Variants in SLC35F2 observed in about 807,000 individuals in gnomAD.
The protein encoded by SLC35F2 is solute carrier family 35 member F2, also known as queuine/queuosine transporter SLC35F2.
In SLC35F2, 25 loss-of-function variants were observed where a neutral mutation model predicts 38.1. That is an observed-to-expected ratio of 0.66 (90% CI 0.48 to 0.92). The LOEUF (loss-of-function observed/expected upper bound fraction) is 0.92, where lower values mean the gene tolerates loss of function less well. SLC35F2 is among the 40% of genes least tolerant of loss of function. The probability of loss-of-function intolerance (pLI) is 0.00; values close to 1 mark genes in which losing one functional copy is unlikely to be tolerated. For synonymous variants in SLC35F2, 173 were observed against 181.7 expected (o/e 0.95, Z 0.38); for missense variants, 409 against 452.9 (o/e 0.90, Z 0.88).
intron 1 of SLC35F2, among the ~76,000 whole-genome samples, chr11:107,852,339 G>A (rs1860200129): frequency 6.6e-6 from 1 of 151,888 alleles, no homozygotes; most frequent in Admixed American, 6.6e-5. Context: ...ATCACGAGGT[G>A]AGGAGTTTGA....
At chr11:107,849,810 A>C (rs1181029411) in intron 1 of SLC35F2, among the ~76,000 whole-genome samples, 2 of 152,178 alleles carry the variant, frequency 1.3e-5, no homozygotes, top group African/African-American at 2.4e-5. Flanking sequence ...GAACTGGTCT[A>C]GGGGAAGAAG....
At chr11:107,816,286 G>C (rs1442326440) in intron 1 of SLC35F2, 23 of 974,618 alleles carry the variant, frequency 2.4e-5, no homozygotes, top group Non-Finnish European at 2.8e-5. Flanking sequence ...GTGTGTGTAT[G>C]ACTTTTTTTT....
chr11:107,792,704 T>A lies in SLC35F2; in HGVS notation c.1036A>T (p.Ser346Cys). The change falls in exon 8 of 8, where the codon AGC (serine) becomes TGC (cysteine). Residue 346 changes from serine to cysteine, a missense_variant. Physicochemically the swap from Ser to Cys is moderately radical, Grantham distance 112. Transcript: ENST00000525815. ...CCAATGCTGGTGACTGGAGGCACGC[T>A]GCTTTCAGCCGGCTCGGCCGTGCGA... Reference protein sequence around the residue: ...PTRTAEPAESSVPPVTSIGID... With the variant: ...PTRTAEPAESCVPPVTSIGID... 6.2e-7 allele frequency: 1 copy of A among 1,614,034 alleles called. No homozygotes were observed. Among genetic ancestry groups the A allele is most frequent in the Non-Finnish European group, 8.5e-7 (1 of 1,179,982 alleles).
rs780057231 is a variant in SLC35F2 at position 107,791,526 on chromosome 11, CAGAG to C, written c.*1085_*1088del. ...TAGCCAGTGTCACAGGCTCCGAGAGCAGAGAGAGTTTGCTCTGGGACCTGGAATG... is the reference window on the plus strand; with the variant it reads ...TAGCCAGTGTCACAGGCTCCGAGAGCAGAGTTTGCTCTGGGACCTGGAATG... On this transcript the variant is annotated 3_prime_UTR_variant, in exon 8 of 8. Coordinates refer to ENST00000525815, the MANE Select transcript of SLC35F2 (RefSeq NM_017515.5). The C allele has an allele frequency of 6.6e-6, 1 of 152,184 alleles. No homozygotes were observed. The highest frequency in any genetic ancestry group is 1.5e-5 in the Non-Finnish European group (1 of 68,062). The allele number at this position is 152,184 out of a possible 1,614,324, so 9.4% of individuals were successfully genotyped here.
chr11:107,815,762 G>C (rs1277762443), intron 2 of SLC35F2, 28 bp downstream of exon 2: 1 of 1,561,726 alleles, frequency 6.4e-7, no homozygotes, highest in Non-Finnish European at 8.7e-7. Context: ...TAATTTTGTT[G>C]AAAAGATAAT....
At chr11:107,845,661 C>T (rs980277522) in intron 1 of SLC35F2, among the ~76,000 whole-genome samples, 1 of 151,298 alleles carries the variant, frequency 6.6e-6, no homozygotes, top group Admixed American at 6.6e-5. Context: ...CTTTCAATAA[C>T]ATAGGCTCTG....
intron 1 of SLC35F2, among the ~76,000 whole-genome samples, chr11:107,836,445 G>C (rs1017570178): frequency 4.6e-5 from 7 of 152,054 alleles, no homozygotes; most frequent in Non-Finnish European, 1.0e-4. Flanking sequence ...CCCTGAACCT[G>C]TGAATAGGTT....
chr11:107,811,031 C>T (rs1859471842), intron 3 of SLC35F2: 2 of 985,044 alleles, frequency 2.0e-6, no homozygotes, highest in Non-Finnish European at 2.4e-6. Flanking sequence ...CTCACTTTCA[C>T]CTCCACTTAT....
intron 1 of SLC35F2, among the ~76,000 whole-genome samples, chr11:107,841,250 C>A (rs983736981): frequency 4.6e-5 from 7 of 152,148 alleles, no homozygotes; most frequent in Admixed American, 1.3e-4. Context: ...TTTCACAGAA[C>A]AGCAGCACTT....
chr11:107,798,949 G>T (rs1213417912), intron 7 of SLC35F2, among the ~76,000 whole-genome samples: 1 of 152,130 alleles, frequency 6.6e-6, no homozygotes, highest in Non-Finnish European at 1.5e-5. Context: ...GGTGGCAGGT[G>T]CCTGTAATCC....
At chr11:107,801,889 G>C (rs1040568091) in intron 7 of SLC35F2, among the ~76,000 whole-genome samples, 18 of 152,178 alleles carry the variant, frequency 1.2e-4, no homozygotes, top group Non-Finnish European at 2.4e-4. Flanking sequence ...TGCTGACTAA[G>C]GGTAAGTCAC....
At chr11:107,793,711 A>G (rs1428261762) in intron 7 of SLC35F2, among the ~76,000 whole-genome samples, 1 of 152,242 alleles carries the variant, frequency 6.6e-6, no homozygotes, top group East Asian at 1.9e-4. Flanking sequence ...AGAAGAGTCC[A>G]AAGCCCAAAG....
At chr11:107,850,036 G>A (rs1440598602) in intron 1 of SLC35F2, among the ~76,000 whole-genome samples, 1 of 152,198 alleles carries the variant, frequency 6.6e-6, no homozygotes, top group African/African-American at 2.4e-5. Flanking sequence ...CTAATGGGCT[G>A]TAACCTAGAG....
At chr11:107,835,896 A>G (rs1254299680) in intron 1 of SLC35F2, among the ~76,000 whole-genome samples, 2 of 152,198 alleles carry the variant, frequency 1.3e-5, no homozygotes, top group Non-Finnish European at 2.9e-5. Context: ...ACAAGGTAGG[A>G]TGAGATCTAA....
chr11:107,809,634 A>G (rs1859450848), intron 3 of SLC35F2: 2 of 585,156 alleles, frequency 3.4e-6, no homozygotes, highest in Non-Finnish European at 4.3e-6. Context: ...TCCTTCTCAG[A>G]AAAAAAAAAA....
intron 3 of SLC35F2, chr11:107,811,382 T>G (rs1382830857): frequency 2.3e-5 from 8 of 351,460 alleles, no homozygotes; most frequent in Non-Finnish European, 2.4e-5. Context: ...ACAGAACACG[T>G]GTCAACACCA....
Position 107,807,271 on chromosome 11 carries a change from C to CAAA in SLC35F2, c.415-398_415-396dup, listed in dbSNP as rs201964530. On this transcript the variant is annotated intron_variant, in intron 3 of 7. Coordinates refer to ENST00000525815, the MANE Select transcript of SLC35F2 (RefSeq NM_017515.5). ...GCAACATGGTGAAACCCTGTCTGTA[C>CAAA]AAAAAAAAAAAAAAACAACAACAAA... 4.2e-5 allele frequency among the ~76,000 whole-genome samples: 3 copies of CAAA among 70,898 alleles called. 1 individual carries two copies. The highest frequency in any genetic ancestry group is 5.5e-5 in the African/African-American group (1 of 18,100). The allele number at this position is 70,898 out of a possible 152,430, so 46.5% of individuals were successfully genotyped here.
intron 1 of SLC35F2, among the ~76,000 whole-genome samples, chr11:107,856,123 A>AG (rs1491425412): frequency 7.0e-6 from 1 of 142,902 alleles, no homozygotes; most frequent in Non-Finnish European, 1.5e-5. Context: ...AAAAAAAAAA[A>AG]GAAGAAGAAG....
chr11:107,842,397 A>G (rs147126144), intron 1 of SLC35F2, among the ~76,000 whole-genome samples: 2,348 of 151,782 alleles, frequency 0.015, 17 homozygotes, highest in South Asian at 0.023. Flanking sequence ...CTCTGTTGCC[A>G]GGCTGAAGTG....
Sources: gnomAD v4.1 joint callset for allele counts (sites outside exome capture counted in the v4.1 genomes callset) on GRCh38, gnomAD v4.1.1 for gene constraint, MANE v1.5 for transcripts, NCBI Gene and HGNC (gene_info 2026-07-23, HGNC 2026-07-21) for gene names.